The following RASAL2 variants were observed in gnomAD, a reference collection of about 807,000 sequenced individuals.
RASAL2 encodes RAS protein activator like 2, also known as ras GTPase-activating protein nGAP.
A neutral mutation model predicts 128.9 loss-of-function variants in RASAL2; 58 were observed. The ratio of observed to expected loss-of-function variants is 0.45; its 90% CI spans 0.36 to 0.56. RASAL2 has a LOEUF of 0.56. Among genes scored for constraint, RASAL2 ranks in the 20% least tolerant of loss-of-function variants. The pLI is 0.00. For synonymous variants in RASAL2, 561 were observed against 580.8 expected, an observed-to-expected ratio of 0.97 and a Z score of 0.49; for missense variants, 1,360 against 1,601.6, an observed-to-expected ratio of 0.85 and a Z score of 2.57.
At chr1:178,275,746 G>A (rs1320500672) in intron 1 of RASAL2, among the ~76,000 whole-genome samples, 1 of 152,198 alleles carries the variant, frequency 6.6e-6, no homozygotes, top group African/African-American at 2.4e-5. Flanking sequence ...GCAAATGTTA[G>A]ACTAAAGGAA....
intron 1 of RASAL2, among the ~76,000 whole-genome samples, chr1:178,263,175 G>A (rs920957896): frequency 6.6e-6 from 1 of 152,084 alleles, no homozygotes; most frequent in African/African-American, 2.4e-5. Flanking sequence ...TTTTCTATCA[G>A]ATTTTATTAC....
At chr1:178,337,452 G>A (rs991161362) in intron 3 of RASAL2, among the ~76,000 whole-genome samples, 2 of 152,200 alleles carry the variant, frequency 1.3e-5, no homozygotes, top group African/African-American at 4.8e-5. Context: ...ACTCTCAAAA[G>A]AATGCAGTGG....
At chr1:178,351,602 G>A (rs1469073113) in intron 3 of RASAL2, among the ~76,000 whole-genome samples, 2 of 152,054 alleles carry the variant, frequency 1.3e-5, no homozygotes, top group East Asian at 1.9e-4. Context: ...GTGGTGGCGC[G>A]GCTGTAGTCC....
At position 178,464,409 on chromosome 1, in the gene RASAL2, G is replaced by A; in HGVS notation, c.3384G>A (p.Glu1128=). 6.2e-7 allele frequency: 1 copy of A among 1,613,576 alleles called. No individual in the cohort carries two copies. The highest frequency in any genetic ancestry group is 8.5e-7 in the Non-Finnish European group (1 of 1,179,738). ...ATCTAGATGAAGCCAAGCATGCTGA[G>A]AAGGTAGAACCTAGTCTGCTTCATC... ...EQNLDEAKHA[E]KYEQEITKLK... is the part of the protein sequence containing the mutation. Residue 1128 remains glutamate, a synonymous_variant, in exon 15 of 18, where the codon GAG becomes GAA. Coordinates refer to ENST00000367649, the MANE Select transcript of RASAL2 (RefSeq NM_170692.4).
intron 1 of RASAL2, among the ~76,000 whole-genome samples, chr1:178,226,458 T>C (rs571479713): frequency 6.6e-6 from 1 of 152,272 alleles, no homozygotes; most frequent in Non-Finnish European, 1.5e-5. Context: ...GTAGAGTCTT[T>C]TGTTGATTTT....
Position 178,457,940 on chromosome 1 carries a change from A to C in RASAL2, c.2648A>C (p.Gln883Pro). 6.2e-7 allele frequency: 1 copy of C among 1,614,146 alleles called. No individual in the cohort carries two copies. The highest frequency in any genetic ancestry group is 8.5e-7 in the Non-Finnish European group (1 of 1,180,028). ...ACCGGAAGCCAGCTTTCCATAACCC[A>C]GGTGGCCAGCATCAAACAGCTGCGG... ...RLTGSQLSITQVASIKQLRET... is the reference protein window; with the variant it reads ...RLTGSQLSITPVASIKQLRET... Residue 883 changes from glutamine (Q) to proline (P), a missense_variant, in exon 14 of 18, where the codon CAG (glutamine) becomes CCG (proline). Transcript: ENST00000367649.
intron 1 of RASAL2, among the ~76,000 whole-genome samples, chr1:178,226,017 C>T (rs1237523494): frequency 6.6e-6 from 1 of 152,126 alleles, no homozygotes; most frequent in Non-Finnish European, 1.5e-5. Context: ...ATACAGTTTT[C>T]TCTTTTGGTG....
rs189970383 is a variant in RASAL2, at chr1:178,355,044, G to A, written c.458-35056G>A. ...GAGACTGAAGCAGGGAGGATCACTT[G>A]AGCCAGGAATTCTAGATTGCAGCGA... On this transcript the variant is annotated intron_variant, in intron 3 of 17. Transcript: ENST00000367649. Among the ~76,000 whole-genome samples, 104 of 152,258 alleles carry A rather than the reference G, an allele frequency of 6.8e-4. 1 individual carries two copies. The highest frequency in any genetic ancestry group is 2.5e-3 in the African/African-American group (102 of 41,558).
chr1:178,373,473 C>G (rs746279189), intron 3 of RASAL2, among the ~76,000 whole-genome samples: 1 of 151,700 alleles, frequency 6.6e-6, no homozygotes, highest in Non-Finnish European at 1.5e-5. Context: ...GCTTCCCATT[C>G]CCCTCCCCTG....
At position 178,330,830 on chromosome 1, in the gene RASAL2, A is replaced by G. The variant is rs148865229; in HGVS notation, c.457+30712A>G. Among the ~76,000 whole-genome samples the G allele has an allele frequency of 1.1e-4, 16 of 152,260 alleles. No homozygotes were observed. In the East Asian group the frequency reaches 2.9e-3, roughly 28 times the overall value. The stretch of plus-strand genomic sequence containing the variant: ...TTTCATCTTCATTTATGGAATTTCT[A>G]TACAATAAATATGTTTGGCATTTAA... On this transcript the variant is annotated intron_variant, in intron 3 of 17. Transcript: ENST00000367649.
intron 3 of RASAL2, among the ~76,000 whole-genome samples, chr1:178,302,993 G>C (rs1388929033): frequency 6.6e-6 from 1 of 152,004 alleles, no homozygotes; most frequent in Non-Finnish European, 1.5e-5. Flanking sequence ...CTCCAGCCTG[G>C]GAGACAGAGC....
intron 3 of RASAL2, among the ~76,000 whole-genome samples, chr1:178,383,180 G>A (rs1156422146): frequency 1.3e-5 from 2 of 152,272 alleles, no homozygotes; most frequent in African/African-American, 4.8e-5. Context: ...CCACATTTAT[G>A]TACTTAGCAC....
At chr1:178,421,022 G>A (rs534069256) in intron 5 of RASAL2, among the ~76,000 whole-genome samples, 3 of 152,230 alleles carry the variant, frequency 2.0e-5, no homozygotes, top group South Asian at 2.1e-4. Context: ...TATAATAACC[G>A]TATATGATAA....
chr1:178,132,375 T>C (rs1040678304), intron 1 of RASAL2, among the ~76,000 whole-genome samples: 29 of 152,004 alleles, frequency 1.9e-4, no homozygotes, highest in African/African-American at 6.3e-4. Flanking sequence ...CTTAAAAAAA[T>C]AATTTACTAC....
chr1:178,180,152 A>G (rs147745670), intron 1 of RASAL2, among the ~76,000 whole-genome samples: 78 of 152,280 alleles, frequency 5.1e-4, no homozygotes, highest in African/African-American at 1.8e-3. Flanking sequence ...AAGTCTTTCC[A>G]TATGTTTATA....
chr1:178,119,271 C>T (rs575404648), intron 1 of RASAL2, among the ~76,000 whole-genome samples: 1 of 152,308 alleles, frequency 6.6e-6, no homozygotes, highest in East Asian at 1.9e-4. Context: ...AACTCAAAAA[C>T]TCTGGCCAGG....
chr1:178,167,237 G>C (rs1183128637), intron 1 of RASAL2, among the ~76,000 whole-genome samples: 1 of 152,220 alleles, frequency 6.6e-6, no homozygotes, highest in Middle Eastern at 3.4e-3. Context: ...TGGACTTTAA[G>C]TTTAAATTAG....
intron 1 of RASAL2, among the ~76,000 whole-genome samples, chr1:178,221,910 A>C (rs1663627539): frequency 6.6e-6 from 1 of 152,050 alleles, no homozygotes; most frequent in Admixed American, 6.6e-5. Flanking sequence ...GGCATCTCTT[A>C]ATTTTTGCTT....
chr1:178,318,702 G>T (rs201002105), intron 3 of RASAL2, among the ~76,000 whole-genome samples: 18 of 151,924 alleles, frequency 1.2e-4, no homozygotes, highest in African/African-American at 4.1e-4. Flanking sequence ...CACGTGAGAT[G>T]GGTTTCCTGA....
Sources: gnomAD v4.1 joint callset for allele counts (sites outside exome capture counted in the v4.1 genomes callset) on GRCh38, gnomAD v4.1.1 for gene constraint, MANE v1.5 for transcripts, NCBI Gene and HGNC (gene_info 2026-07-23, HGNC 2026-07-21) for gene names.